The following LCLAT1 variants were observed in gnomAD, a reference collection of about 807,000 sequenced individuals.
The protein encoded by LCLAT1 is 1-AGP acyltransferase 8.
Under a neutral mutation model 30.7 loss-of-function variants are expected in LCLAT1, and 11 were observed. The ratio of observed to expected loss-of-function variants is 0.36; its 90% CI spans 0.23 to 0.59. The LOEUF is 0.59. LCLAT1 is among the 20% of genes least tolerant of loss of function. The probability of loss-of-function intolerance (pLI) is 0.77; values close to 1 mark genes in which losing one functional copy is unlikely to be tolerated. For missense variants in LCLAT1, 402 were observed against 458.6 expected (o/e 0.88, Z 1.13); for synonymous variants, 155 against 151.3 (o/e 1.02, Z -0.18).
chr2:30,520,802 A>G (rs1685435733), intron 1 of LCLAT1, among the ~76,000 whole-genome samples: 1 of 152,230 alleles, frequency 6.6e-6, no homozygotes, highest in Non-Finnish European at 1.5e-5. Context: ...TTAAAAATTT[A>G]TTTAAAAATC....
chr2:30,554,393 T>C (rs1558515724), intron 3 of LCLAT1, among the ~76,000 whole-genome samples: 1 of 152,190 alleles, frequency 6.6e-6, no homozygotes, highest in Non-Finnish European at 1.5e-5. Flanking sequence ...GAATATAAAC[T>C]ATGTGTAATT....
intron 3 of LCLAT1, among the ~76,000 whole-genome samples, chr2:30,544,332 G>A (rs7578150): frequency 0.047 from 7,207 of 152,212 alleles, 593 homozygotes; most frequent in African/African-American, 0.16. Context: ...AACTGCTTAA[G>A]GACTTTTTTT....
chr2:30,638,937 A>G (rs1669167150), intron 5 of LCLAT1, among the ~76,000 whole-genome samples: 1 of 151,738 alleles, frequency 6.6e-6, no homozygotes. Context: ...GCTGTATTGT[A>G]GTAGCCATCA....
intron 1 of LCLAT1, among the ~76,000 whole-genome samples, chr2:30,503,055 G>A (rs1271122703): frequency 2.0e-5 from 3 of 152,308 alleles, no homozygotes; most frequent in African/African-American, 7.2e-5. Flanking sequence ...CAAATTAAGG[G>A]GCAGGTTATT....
At chr2:30,633,175 G>A (rs938084469) in intron 5 of LCLAT1, among the ~76,000 whole-genome samples, 1 of 152,098 alleles carries the variant, frequency 6.6e-6, no homozygotes, top group Non-Finnish European at 1.5e-5. Flanking sequence ...CTAAATCCAA[G>A]TTTTATCTTC....
Position 30,485,858 on chromosome 2 carries a change from C to G in LCLAT1, c.-5+38475C>G, listed in dbSNP as rs540987950. On this transcript the variant is annotated intron_variant, in intron 1 of 5. Transcript: ENST00000379509. ...TTTTAGCATGCTAATTTACTGCTTT[C>G]TTAAACTCCCTTTTGGGCTTCGTAT... Among the ~76,000 whole-genome samples the G allele has an allele frequency of 4.6e-5, 7 of 152,222 alleles. No individual in the cohort carries two copies. In the South Asian group the frequency reaches 1.5e-3, roughly 32 times the overall value.
At chr2:30,482,447 T>C (rs964009001) in intron 1 of LCLAT1, among the ~76,000 whole-genome samples, 6 of 152,196 alleles carry the variant, frequency 3.9e-5, no homozygotes, top group African/African-American at 1.2e-4. Flanking sequence ...TATATATCTT[T>C]CCAAAACTGT....
chr2:30,625,555 G>A (rs778997721), intron 5 of LCLAT1, among the ~76,000 whole-genome samples: 4 of 152,170 alleles, frequency 2.6e-5, no homozygotes, highest in Non-Finnish European at 5.9e-5. Context: ...TCCTCTCAAT[G>A]GAGAAAAGAA....
chr2:30,644,150 A>T lies in LCLAT1; in HGVS notation c.*3531A>T, dbSNP rs1357006814. 1 of 152,176 alleles carries T rather than the reference A, an allele frequency of 6.6e-6. No individual in the cohort carries two copies. The highest frequency in any genetic ancestry group is 6.5e-5 in the Admixed American group (1 of 15,268). The allele number at this position is 152,176 out of a possible 1,614,324, so 9.4% of individuals were successfully genotyped here. ...ACTCACAGAATGGCCTTAGTTTTCA[A>T]TGTCTGATGGTATATTTGTGAGTTG... On this transcript the variant is annotated 3_prime_UTR_variant, in exon 6 of 6. Transcript: ENST00000379509.
At chr2:30,600,341 T>C (rs188442228) in intron 5 of LCLAT1, among the ~76,000 whole-genome samples, 14 of 152,218 alleles carry the variant, frequency 9.2e-5, no homozygotes, top group African/African-American at 3.4e-4. Flanking sequence ...AGAGATAATG[T>C]ACTAGAATCT....
At chr2:30,488,428 A>C (rs1042363058) in intron 1 of LCLAT1, among the ~76,000 whole-genome samples, 3 of 152,250 alleles carry the variant, frequency 2.0e-5, no homozygotes, top group Non-Finnish European at 4.4e-5. Context: ...TTTGAGATTG[A>C]GATTGTGCTG....
At chr2:30,575,318 C>T (rs905512509) in intron 5 of LCLAT1, among the ~76,000 whole-genome samples, 11 of 151,828 alleles carry the variant, frequency 7.2e-5, no homozygotes, top group Admixed American at 1.3e-4. Flanking sequence ...GATACTGTGC[C>T]GTATTTGTTT....
chr2:30,611,335 T>A (rs1004696969), intron 5 of LCLAT1, among the ~76,000 whole-genome samples: 1 of 152,156 alleles, frequency 6.6e-6, no homozygotes, highest in Non-Finnish European at 1.5e-5. Context: ...CTAATTATAA[T>A]TTAGCTCCAG....
At position 30,565,661 on chromosome 2, in the gene LCLAT1, G is replaced by A. The variant is rs182167379; in HGVS notation, c.512-2399G>A. ...CTTTTTAATACATATATGAGTGCCTGGATCTTTATCCCTACTCTCACGAAG... is the reference window on the plus strand; with the variant it reads ...CTTTTTAATACATATATGAGTGCCTAGATCTTTATCCCTACTCTCACGAAG... On this transcript the variant is annotated intron_variant, in intron 4 of 5. Transcript: ENST00000379509. 5.5e-4 allele frequency among the ~76,000 whole-genome samples: 84 copies of A among 152,158 alleles called. 1 individual carries two copies. The highest frequency in any genetic ancestry group is 1.9e-3 in the African/African-American group (80 of 41,500).
chr2:30,447,496 A>G (rs1271072952), intron 1 of LCLAT1, 113 bp downstream of exon 1: 1 of 152,248 alleles, frequency 6.6e-6, no homozygotes, highest in Non-Finnish European at 1.5e-5. Flanking sequence ...CTCCTGAGCC[A>G]TGGACCTTCC....
chr2:30,479,772 A>G (rs1470190241), intron 1 of LCLAT1, among the ~76,000 whole-genome samples: 1 of 152,236 alleles, frequency 6.6e-6, no homozygotes, highest in Non-Finnish European at 1.5e-5. Flanking sequence ...TGAACACTAC[A>G]GTTTTAAGAA....
chr2:30,504,405 T>A (rs950644218), intron 1 of LCLAT1, among the ~76,000 whole-genome samples: 2 of 152,182 alleles, frequency 1.3e-5, no homozygotes, highest in Non-Finnish European at 2.9e-5. Flanking sequence ...TGCTACTCAG[T>A]AAACCAAATG....
chr2:30,460,784 G>A (rs1232125280), intron 1 of LCLAT1, among the ~76,000 whole-genome samples: 1 of 152,130 alleles, frequency 6.6e-6, no homozygotes, highest in African/African-American at 2.4e-5. Flanking sequence ...CTGGTCTCTG[G>A]GGAGGGGGCA....
chr2:30,520,786 A>C lies in LCLAT1; in HGVS notation c.-4-4801A>C, dbSNP rs545905543. 1.4e-4 allele frequency among the ~76,000 whole-genome samples: 22 copies of C among 152,346 alleles called. No individual in the cohort carries two copies. The South Asian group carries it at 3.9e-3, about 27-fold the overall frequency. On this transcript the variant is annotated intron_variant, in intron 1 of 5. Coordinates refer to ENST00000379509, the MANE Select transcript of LCLAT1 (RefSeq NM_001002257.3). ...TGTCAGATTTTTATATACATAGCAT[A>C]ATTTTTTAAAAATTTATTTAAAAAT...
Sources: allele counts gnomAD v4.1 joint callset (sites outside exome capture counted in the v4.1 genomes callset), GRCh38; gene constraint gnomAD v4.1.1; transcripts MANE v1.5; gene names NCBI Gene and HGNC (gene_info 2026-07-23, HGNC 2026-07-21).